Variants in RHOH observed in about 807,000 individuals in gnomAD.
The protein encoded by RHOH is ras homolog family member H.
A neutral mutation model predicts 13.8 loss-of-function variants in RHOH; 6 were observed. The observed-to-expected ratio is 0.44, with a 90% CI of 0.24 to 0.86. RHOH has a LOEUF of 0.86. Among genes scored for constraint, RHOH ranks in the 40% least tolerant of loss-of-function variants. RHOH has a pLI of 0.24. For synonymous variants in RHOH, 117 were observed against 103.0 expected (o/e 1.14, Z -0.82); for missense variants, 147 against 244.5 (o/e 0.60, Z 2.66).
intron 1 of RHOH, among the ~76,000 whole-genome samples, chr4:40,228,807 A>G (rs1159165892): frequency 6.6e-6 from 1 of 152,240 alleles, no homozygotes; most frequent in Non-Finnish European, 1.5e-5. Flanking sequence ...CCTCACTCTC[A>G]GAGTTACTTT....
chr4:40,243,826 G>A lies in RHOH; in HGVS notation c.440G>A (p.Gly147Asp). The A allele has an allele frequency of 6.2e-7, 1 of 1,614,174 alleles. No individual in the cohort carries two copies. Among genetic ancestry groups the A allele is most frequent in the Non-Finnish European group, 8.5e-7 (1 of 1,180,032 alleles). Residue 147 changes from glycine to aspartate, a missense_variant, in exon 3 of 3, where the codon GGC (glycine) becomes GAC (aspartate). Physicochemically the swap from Gly to Asp is moderately conservative, Grantham distance 94. This residue lies in a region of RHOH where 31 missense variants were observed against 61.8 expected (regional missense o/e 0.50). Transcript: ENST00000381799. The surrounding 1 kb of genome is among the most constrained non-coding windows in gnomAD (Gnocchi z 6.2). ...CTGGCCCAGGATGTCAGAGCCAAGG[G>A]CTACCTGGAGTGCTCAGCCCTTAGC... ...KKLAQDVRAK[G>D]YLECSALSNR...
chr4:40,238,187 G>A (rs1488728512), intron 1 of RHOH, among the ~76,000 whole-genome samples: 2 of 149,918 alleles, frequency 1.3e-5, no homozygotes, highest in Non-Finnish European at 2.9e-5. Flanking sequence ...CATCTGATCT[G>A]GCGGGGGCAT....
At chr4:40,219,924 T>A (rs1408340192) in intron 1 of RHOH, among the ~76,000 whole-genome samples, 1 of 152,148 alleles carries the variant, frequency 6.6e-6, no homozygotes, top group African/African-American at 2.4e-5. Context: ...CATTCGTACT[T>A]ACAGCATGTG....
intron 1 of RHOH, among the ~76,000 whole-genome samples, chr4:40,220,045 TGGA>T (rs1726361810): frequency 6.6e-6 from 1 of 152,174 alleles, no homozygotes; most frequent in African/African-American, 2.4e-5. Context: ...CTCGGCTGGA[TGGA>T]GGTTATCTTA....
chr4:40,206,405 A>G (rs1724642724), intron 1 of RHOH, among the ~76,000 whole-genome samples: 1 of 152,200 alleles, frequency 6.6e-6, no homozygotes, highest in African/African-American at 2.4e-5. Context: ...GTTGAGAAGC[A>G]TAAGAATGCC....
upstream of RHOH, among the ~76,000 whole-genome samples, chr4:40,192,013 G>A (rs1190942419): frequency 1.3e-5 from 2 of 151,864 alleles, no homozygotes; most frequent in African/African-American, 4.8e-5. Flanking sequence ...GCATTTTGAA[G>A]CTATTTCAAT....
chr4:40,214,731 T>C (rs1725676354), intron 1 of RHOH, among the ~76,000 whole-genome samples: 1 of 152,204 alleles, frequency 6.6e-6, no homozygotes, highest in Non-Finnish European at 1.5e-5. Flanking sequence ...GAGAGAACCT[T>C]GGCTAATGGA....
chr4:40,196,024 C>T (rs1265522192), upstream of RHOH, among the ~76,000 whole-genome samples: 1 of 152,180 alleles, frequency 6.6e-6, no homozygotes, highest in Non-Finnish European at 1.5e-5. Context: ...TACTATTTGC[C>T]TCTACGTGGA....
At chr4:40,204,514 A>G (rs1284309254) in intron 1 of RHOH, among the ~76,000 whole-genome samples, 1 of 152,202 alleles carries the variant, frequency 6.6e-6, no homozygotes, top group Non-Finnish European at 1.5e-5. Context: ...ATGTGATGAG[A>G]GCCAAAGACT....
Position 40,207,514 on chromosome 4 carries a change from C to T in RHOH, c.-331+10214C>T, listed in dbSNP as rs190409043. Among the ~76,000 whole-genome samples the T allele has an allele frequency of 7.9e-5, 12 of 152,236 alleles. No homozygotes were observed. In the South Asian group the frequency reaches 1.7e-3, roughly 21 times the overall value. On this transcript the variant is annotated intron_variant, in intron 1 of 2. Transcript: ENST00000381799. Reference sequence around the variant, plus strand: ...TGCAGCAGGAGGGTTCTACGTAAAACGTCGGTCCAGAGTTCAAACCCCAAA... The same window carrying T: ...TGCAGCAGGAGGGTTCTACGTAAAATGTCGGTCCAGAGTTCAAACCCCAAA...
At chr4:40,208,653 G>C (rs546113304) in intron 1 of RHOH, among the ~76,000 whole-genome samples, 1 of 152,212 alleles carries the variant, frequency 6.6e-6, no homozygotes, top group East Asian at 1.9e-4. Context: ...GCAGCAACAT[G>C]AATGATCAGC....
chr4:40,192,633 G>C (rs115594377), upstream of RHOH, among the ~76,000 whole-genome samples: 739 of 152,340 alleles, frequency 4.9e-3, 1 homozygote, highest in Non-Finnish European at 8.0e-3. Context: ...GAATATTAAA[G>C]TAAGCTGTTC....
At chr4:40,209,547 G>A (rs1725017031) in intron 1 of RHOH, 1 of 152,172 alleles carries the variant, frequency 6.6e-6, no homozygotes, top group Non-Finnish European at 1.5e-5. Context: ...CTGGGGTCAG[G>A]TGATTCTCCC....
At chr4:40,206,753 A>G (rs1016958336) in intron 1 of RHOH, among the ~76,000 whole-genome samples, 1 of 152,236 alleles carries the variant, frequency 6.6e-6, no homozygotes, top group African/African-American at 2.4e-5. Context: ...TATTGTCACT[A>G]TATTCCTAAA....
At chr4:40,228,249 A>G (rs1245947220) in intron 1 of RHOH, among the ~76,000 whole-genome samples, 1 of 152,146 alleles carries the variant, frequency 6.6e-6, no homozygotes, top group African/African-American at 2.4e-5. Flanking sequence ...TTAGTTTTGG[A>G]AAAAAATGAT....
rs1354004529 is a variant in RHOH at position 40,197,246 on chromosome 4, A to G, written c.-385A>G. 1 of 152,158 alleles carries G rather than the reference A, an allele frequency of 6.6e-6. No homozygotes were observed. Among genetic ancestry groups the G allele is most frequent in the Non-Finnish European group, 1.5e-5 (1 of 68,014 alleles). The allele number at this position is 152,158 out of a possible 1,614,324, so 9.4% of individuals were successfully genotyped here. A position where few individuals can be genotyped will look rare whatever the true frequency, so the allele number is the denominator to read the frequency against. ...CACCTGCTTTTGTTGAACAAATTTG[A>G]TTTCCGGAGTCAGTCATTTTACTGT... On this transcript the variant is annotated 5_prime_UTR_variant, in exon 1 of 3. It removes the in-frame stop codon of an upstream open reading frame in the 5' UTR. Coordinates refer to ENST00000381799, the MANE Select transcript of RHOH (RefSeq NM_004310.5).
intron 1 of RHOH, chr4:40,240,024 C>T (rs533518215): frequency 6.6e-6 from 1 of 152,326 alleles, no homozygotes; most frequent in South Asian, 2.1e-4. Context: ...CTTCCAAGTT[C>T]GTCACATAGG....
chr4:40,208,166 C>G (rs868299454), intron 1 of RHOH, among the ~76,000 whole-genome samples: 4 of 152,146 alleles, frequency 2.6e-5, no homozygotes, highest in Admixed American at 6.5e-5. Flanking sequence ...TGATCATACT[C>G]TTTTTATTTC....
In RHOH at chr4:40,220,588, A is replaced by G. The variant is rs1033342334; in HGVS notation, c.-330-22126A>G. On this transcript the variant is annotated intron_variant, in intron 1 of 2. Transcript: ENST00000381799. ...CTATAGAGAAAAAAAAGTGAGGATCAGAGACATTATTAACTAAGTAAAAAA... is the reference window on the plus strand; with the variant it reads ...CTATAGAGAAAAAAAAGTGAGGATCGGAGACATTATTAACTAAGTAAAAAA... 5.3e-5 allele frequency among the ~76,000 whole-genome samples: 8 copies of G among 152,182 alleles called. No homozygotes were observed. The South Asian group carries it at 1.0e-3, about 20-fold the overall frequency.
Sources: allele counts gnomAD v4.1 joint callset (sites outside exome capture counted in the v4.1 genomes callset), GRCh38; gene constraint gnomAD v4.1.1; regional missense constraint gnomAD v4.1.1; non-coding constraint Gnocchi (gnomAD v3.1); transcripts MANE v1.5; gene names NCBI Gene and HGNC (gene_info 2026-07-23, HGNC 2026-07-21).